The following ERMAP variants were observed in gnomAD, a reference collection of about 807,000 sequenced individuals.
ERMAP encodes the protein erythroblast membrane associated protein (Scianna blood group), also known as erythroid membrane-associated protein.
A neutral mutation model predicts 49.5 loss-of-function variants in ERMAP; 34 were observed. The observed-to-expected ratio is 0.69, with a 90% CI of 0.52 to 0.91. The LOEUF (loss-of-function observed/expected upper bound fraction) is 0.91, where lower values mean the gene tolerates loss of function less well. ERMAP is among the 40% of genes least tolerant of loss of function. The pLI, the probability that ERMAP is intolerant of heterozygous loss-of-function variation, is 0.00. For missense variants in ERMAP, 541 were observed against 582.6 expected, an observed-to-expected ratio of 0.93 and a Z score of 0.74; for synonymous variants, 214 against 232.2, an observed-to-expected ratio of 0.92 and a Z score of 0.71.
intron 7 of ERMAP, 124 bp from the exon 8 acceptor site, chr1:42,838,777 C>T: frequency 6.8e-7 from 1 of 1,469,940 alleles, no homozygotes. Flanking sequence ...CGGAGCTGGA[C>T]TAGGGACATA....
rs746631106 is a variant in ERMAP, at chr1:42,842,937, C to T, written c.1133C>T (p.Ser378Phe). ...VISFYNVTNK[S>F]HIFTFTHNFS... ...TCTTTCTACAATGTGACCAACAAGT[C>T]CCACATCTTTACTTTCACCCACAAT... Residue 378 changes from serine (S) to phenylalanine (F), a missense_variant, in exon 12 of 12, where the codon TCC becomes TTC. Transcript: ENST00000372517. 16 of 1,614,188 alleles carry T rather than the reference C, an allele frequency of 9.9e-6. No homozygotes were observed. Among genetic ancestry groups the T allele is most frequent in the African/African-American group, 1.3e-5 (1 of 75,022 alleles).
intron 8 of ERMAP, 131 bp downstream of exon 8, chr1:42,839,052 C>A: frequency 7.1e-7 from 1 of 1,401,128 alleles, no homozygotes; most frequent in African/African-American, 1.4e-5. Flanking sequence ...GGGACTGGGG[C>A]TTTCTTGGCT....
intron 6 of ERMAP, among the ~76,000 whole-genome samples, chr1:42,836,198 A>G (rs1654889899): frequency 1.3e-5 from 2 of 152,206 alleles, no homozygotes; most frequent in African/African-American, 4.8e-5. Context: ...ACACAAATAA[A>G]TGTGTACAAA....
rs200586423 is a variant in ERMAP, at chr1:42,830,460, G to A, written c.12G>A (p.Ala4=). The part of the protein sequence containing the change: MEM[A]SSAGSWLSGC... ...CTGTCCTAGTTCGGATGGAGATGGC[G>A]AGTTCTGCTGGCTCCTGGCTCTCTG... Residue 4 remains alanine (A), a synonymous_variant, in exon 3 of 12, where the codon GCG becomes GCA. Coordinates refer to ENST00000372517, the MANE Select transcript of ERMAP (RefSeq NM_001017922.2). 32 of 1,613,996 alleles carry A rather than the reference G, an allele frequency of 2.0e-5. No individual in the cohort carries two copies. The highest frequency in any genetic ancestry group is 1.6e-4 in the Middle Eastern group (1 of 6,084).
At chr1:42,838,830 G>A in intron 7 of ERMAP, 71 bp from the exon 8 acceptor site, 13 of 1,603,244 alleles carry the variant, frequency 8.1e-6, no homozygotes, top group Non-Finnish European at 1.1e-5. Flanking sequence ...GGAGTGATGA[G>A]GCTGCCACAG....
intron 11 of ERMAP, among the ~76,000 whole-genome samples, chr1:42,840,511 A>G (rs2124359356): frequency 6.6e-6 from 1 of 152,282 alleles, no homozygotes; most frequent in East Asian, 1.9e-4. Context: ...GAGCACTGAT[A>G]ATATTAGGTT....
intron 1 of ERMAP, among the ~76,000 whole-genome samples, chr1:42,818,489 A>T (rs1654309395): frequency 6.6e-6 from 1 of 152,170 alleles, no homozygotes; most frequent in African/African-American, 2.4e-5. Context: ...TTTAATTTTT[A>T]AAAAATAGAT....
chr1:42,837,108 C>A, intron 6 of ERMAP, 50 bp from the exon 7 acceptor site: 2 of 1,605,564 alleles, frequency 1.2e-6, no homozygotes, highest in East Asian at 4.5e-5. Context: ...AATCAGGGAT[C>A]CTCAAGGCAG....
At position 42,834,287 on chromosome 1, in the gene ERMAP, G is replaced by A. The variant is rs568799971; in HGVS notation, c.434-751G>A. Among the ~76,000 whole-genome samples, 7 of 152,052 alleles carry A rather than the reference G, an allele frequency of 4.6e-5. No homozygotes were observed. The South Asian group carries it at 6.2e-4, about 13-fold the overall frequency. Reference sequence around the variant, plus strand: ...GCATCATAGAAATTGCTTTGCCCCCGTGGACAGTGCTCAGGGCAAAGAGGT... The same window carrying A: ...GCATCATAGAAATTGCTTTGCCCCCATGGACAGTGCTCAGGGCAAAGAGGT... On this transcript the variant is annotated intron_variant, in intron 4 of 11. Coordinates refer to ENST00000372517, the MANE Select transcript of ERMAP (RefSeq NM_001017922.2).
chr1:42,840,114 G>A, intron 9 of ERMAP, 38 bp from the exon 10 acceptor site: 2 of 1,614,112 alleles, frequency 1.2e-6, no homozygotes, highest in Non-Finnish European at 1.7e-6. Context: ...CCTAATATTT[G>A]CAGTGATAGC....
At chr1:42,830,075 T>A (rs376333041) in intron 2 of ERMAP, 3 of 184,746 alleles carry the variant, frequency 1.6e-5, no homozygotes, top group East Asian at 2.8e-4. Flanking sequence ...CCATTACTGG[T>A]GTTTCCTTGG....
In ERMAP at chr1:42,831,043, C is replaced by A. The variant is rs764589228; in HGVS notation, c.361C>A (p.Gln121Lys). Residue 121 changes from glutamine (Q) to lysine (K), a missense_variant, in exon 4 of 12, where the codon CAA becomes AAA. By Grantham distance (53) the Gln-to-Lys change is moderately conservative. Coordinates refer to ENST00000372517, the MANE Select transcript of ERMAP (RefSeq NM_001017922.2). ...LQILDVRLEDQGSYRCLIQVG... is the reference protein window; with the variant it reads ...LQILDVRLEDKGSYRCLIQVG... ...GATCCTTGACGTGCGCCTTGAGGAC[C>A]AAGGGTCTTACCGATGTCTGATCCA... 6.2e-7 allele frequency: 1 copy of A among 1,614,210 alleles called. No homozygotes were observed. Among genetic ancestry groups the A allele is most frequent in the South Asian group, 1.1e-5 (1 of 91,080 alleles).
At chr1:42,826,873 T>C (rs1301340045) in intron 2 of ERMAP, among the ~76,000 whole-genome samples, 3 of 149,566 alleles carry the variant, frequency 2.0e-5, no homozygotes, top group Non-Finnish European at 4.4e-5. Context: ...AAAAAAAAGT[T>C]ACAAAATCAC....
intron 2 of ERMAP, 108 bp downstream of exon 2, chr1:42,825,846 C>T (rs1654529227): frequency 8.3e-7 from 1 of 1,209,742 alleles, no homozygotes; most frequent in Admixed American, 2.9e-5. Context: ...AGAACATTTT[C>T]AAGGGTGAAA....
At chr1:42,817,988 G>A (rs13374373) in intron 1 of ERMAP, among the ~76,000 whole-genome samples, 52,211 of 152,110 alleles carry the variant, frequency 0.34, 9,250 homozygotes, top group Non-Finnish European at 0.38. Flanking sequence ...GGGAACAGAA[G>A]CATTGAAAAG....
At chr1:42,825,836 A>C in intron 2 of ERMAP, 98 bp downstream of exon 2, 1 of 1,232,638 alleles carries the variant, frequency 8.1e-7, no homozygotes, top group East Asian at 5.8e-5. Flanking sequence ...CTTACGCACA[A>C]GAACATTTTC....
intron 2 of ERMAP, chr1:42,825,939 T>C: frequency 2.0e-6 from 1 of 501,836 alleles, no homozygotes; most frequent in Admixed American, 3.9e-5. Context: ...TGAAGTACTC[T>C]TATTTAAGTA....
rs1557605310 is a variant in ERMAP, at chr1:42,825,380, T to C, written c.-121-243T>C. On this transcript the variant is annotated intron_variant, in intron 1 of 11. Coordinates refer to ENST00000372517, the MANE Select transcript of ERMAP (RefSeq NM_001017922.2). ...CAAAACGCATCAGAGGGAATTACTATTGGCAGCATTGGAGGAAAAGGGAGT... is the reference window on the plus strand; with the variant it reads ...CAAAACGCATCAGAGGGAATTACTACTGGCAGCATTGGAGGAAAAGGGAGT... 3 of 683,736 alleles carry C rather than the reference T, an allele frequency of 4.4e-6. No individual in the cohort carries two copies. The South Asian group carries it at 2.0e-4, about 45-fold the overall frequency. The allele number at this position is 683,736 out of a possible 1,614,324, so 42.4% of individuals were successfully genotyped here.
chr1:42,822,038 G>A (rs1222712907), intron 1 of ERMAP, among the ~76,000 whole-genome samples: 5 of 146,168 alleles, frequency 3.4e-5, no homozygotes, highest in East Asian at 2.0e-4. Flanking sequence ...AGAAAACTAA[G>A]AAAAATTAAA....
Sources: gnomAD v4.1 joint callset for allele counts (sites outside exome capture counted in the v4.1 genomes callset) on GRCh38, gnomAD v4.1.1 for gene constraint, MANE v1.5 for transcripts, NCBI Gene and HGNC (gene_info 2026-07-23, HGNC 2026-07-21) for gene names.